Variants in SUGCT observed in about 807,000 individuals in gnomAD.
The protein encoded by SUGCT is succinyl-CoA:glutarate CoA-transferase.
SUGCT carries 41 observed loss-of-function variants against 55.0 expected under a neutral mutation model. The observed-to-expected ratio is 0.74, with a 90% CI of 0.58 to 0.97. SUGCT has a LOEUF of 0.97. SUGCT is among the 50% of genes least tolerant of loss of function. The pLI is 0.00. For synonymous variants in SUGCT, 187 were observed against 200.4 expected, an observed-to-expected ratio of 0.93 and a Z score of 0.56; for missense variants, 568 against 547.8, an observed-to-expected ratio of 1.04 and a Z score of -0.37.
chr7:40,420,702 G>A (rs1787260957), intron 9 of SUGCT, among the ~76,000 whole-genome samples: 2 of 152,000 alleles, frequency 1.3e-5, no homozygotes, highest in Non-Finnish European at 2.9e-5. Context: ...GGCTCTTTGT[G>A]CTGCTGTGGT....
intron 9 of SUGCT, among the ~76,000 whole-genome samples, chr7:40,385,659 A>G (rs1785083261): frequency 6.6e-6 from 1 of 152,230 alleles, no homozygotes; most frequent in Non-Finnish European, 1.5e-5. Context: ...AAGTATAAAG[A>G]TTAATTACAT....
intron 8 of SUGCT, among the ~76,000 whole-genome samples, chr7:40,275,088 A>C (rs1792375586): frequency 6.6e-6 from 1 of 152,234 alleles, no homozygotes; most frequent in Non-Finnish European, 1.5e-5. Flanking sequence ...GGCATGAGCC[A>C]CCACGAATGG....
intron 13 of SUGCT, among the ~76,000 whole-genome samples, chr7:40,855,995 C>T (rs1352490233): frequency 6.6e-6 from 1 of 152,178 alleles, no homozygotes; most frequent in Non-Finnish European, 1.5e-5. Context: ...GTTCTATATT[C>T]AGACATTCAA....
chr7:40,371,610 C>T (rs1374602524), intron 9 of SUGCT, among the ~76,000 whole-genome samples: 1 of 152,094 alleles, frequency 6.6e-6, no homozygotes, highest in Non-Finnish European at 1.5e-5. Flanking sequence ...AAATATTATA[C>T]ATTGTTTAAA....
Position 40,778,965 on chromosome 7 carries a change from T to C in SUGCT, c.1153+29468T>C, listed in dbSNP as rs79465884. 9.0e-3 allele frequency among the ~76,000 whole-genome samples: 1,377 copies of C among 152,286 alleles called. 17 individuals are homozygous for C. Among genetic ancestry groups the C allele is most frequent in the African/African-American group, 0.032 (1,318 of 41,544 alleles). ...ACCTCAGGAATGTTAGCATGGACAT[T>C]GACCACAACACCCCAGCCTTTTGTA... On this transcript the variant is annotated intron_variant, in intron 13 of 13. Transcript: ENST00000335693.
intron 9 of SUGCT, among the ~76,000 whole-genome samples, chr7:40,431,579 A>G (rs1003937630): frequency 1.3e-4 from 20 of 152,140 alleles, no homozygotes; most frequent in African/African-American, 4.6e-4. Flanking sequence ...AGCATAGGCT[A>G]TATTTTCTTT....
intron 12 of SUGCT, among the ~76,000 whole-genome samples, chr7:40,635,482 G>A (rs559886366): frequency 3.3e-5 from 5 of 152,054 alleles, no homozygotes; most frequent in Non-Finnish European, 7.4e-5. Context: ...CAGCTAAGAA[G>A]TTTCTAGAAC....
chr7:40,443,128 G>A (rs901491897), intron 9 of SUGCT, among the ~76,000 whole-genome samples: 4 of 152,190 alleles, frequency 2.6e-5, no homozygotes, highest in African/African-American at 9.7e-5. Flanking sequence ...ATCATTGATG[G>A]ACATTTGGGT....
chr7:40,233,965 A>C (rs1179187804), intron 6 of SUGCT, among the ~76,000 whole-genome samples: 1 of 152,152 alleles, frequency 6.6e-6, no homozygotes, highest in Non-Finnish European at 1.5e-5. Context: ...CCTATACTTT[A>C]CTGCTTCCAA....
At chr7:40,783,980 A>G (rs571941815) in intron 13 of SUGCT, among the ~76,000 whole-genome samples, 2 of 152,300 alleles carry the variant, frequency 1.3e-5, no homozygotes, top group East Asian at 3.9e-4. Context: ...ATCGTTTTAG[A>G]TTCTTCAGTG....
chr7:41,021,439 A>T, the SUGCT span, among the ~76,000 whole-genome samples: 1 of 152,222 alleles, frequency 6.6e-6, no homozygotes, highest in Non-Finnish European at 1.5e-5. Flanking sequence ...GTGAATCTGT[A>T]ATAGTTCAGT....
chr7:40,798,055 T>C (rs1790633425), intron 13 of SUGCT, among the ~76,000 whole-genome samples: 1 of 152,190 alleles, frequency 6.6e-6, no homozygotes, highest in Non-Finnish European at 1.5e-5. Flanking sequence ...AATCCCTCCT[T>C]TAGAATTCAA....
intron 12 of SUGCT, among the ~76,000 whole-genome samples, chr7:40,641,486 G>A (rs1800266627): frequency 6.6e-6 from 1 of 152,156 alleles, no homozygotes; most frequent in African/African-American, 2.4e-5. Flanking sequence ...CTTGGGTGCG[G>A]TGGGGTTGGA....
intron 8 of SUGCT, among the ~76,000 whole-genome samples, chr7:40,278,308 A>T (rs1792677743): frequency 6.6e-6 from 1 of 152,130 alleles, no homozygotes; most frequent in Non-Finnish European, 1.5e-5. Flanking sequence ...AGAAATAGGA[A>T]CACTTTTACA....
rs1010287428 is a variant in SUGCT at position 40,574,431 on chromosome 7, T to TTTG, written c.1089+78060_1089+78062dup. 6.6e-5 allele frequency among the ~76,000 whole-genome samples: 10 copies of TTTG among 151,866 alleles called. No individual in the cohort carries two copies. In the South Asian group the frequency reaches 1.9e-3, roughly 28 times the overall value. On this transcript the variant is annotated intron_variant, in intron 12 of 13. Transcript: ENST00000335693. The stretch of plus-strand genomic sequence containing the variant: ...GCCTGTTAGTTTTGTTGTTGTTTGT[T>TTTG]TTGTTGTTGTTGTTGTTTGAGCCAG...
intron 13 of SUGCT, among the ~76,000 whole-genome samples, chr7:40,812,229 G>A (rs1008701264): frequency 2.0e-5 from 3 of 152,004 alleles, no homozygotes; most frequent in South Asian, 4.2e-4. Flanking sequence ...TTGGTATCAG[G>A]GTGATGTTAG....
At chr7:40,784,269 C>G (rs1366477715) in intron 13 of SUGCT, among the ~76,000 whole-genome samples, 6 of 152,052 alleles carry the variant, frequency 3.9e-5, no homozygotes, top group Admixed American at 3.9e-4. Context: ...TAGTTCTGCT[C>G]CACTCATCAG....
intron 12 of SUGCT, chr7:40,499,025 C>G (rs546662316): frequency 2.9e-4 from 131 of 455,180 alleles, no homozygotes; most frequent in Non-Finnish European, 5.4e-4. Flanking sequence ...GGTATCCTCC[C>G]TTGTTTTGCC....
chr7:40,691,882 A>G (rs1161257476), intron 12 of SUGCT, among the ~76,000 whole-genome samples: 3 of 152,214 alleles, frequency 2.0e-5, no homozygotes, highest in African/African-American at 7.2e-5. Flanking sequence ...TTCAAGAGAC[A>G]CAAAAATTTG....
Sources: gnomAD v4.1 joint callset for allele counts (sites outside exome capture counted in the v4.1 genomes callset) on GRCh38, gnomAD v4.1.1 for gene constraint, MANE v1.5 for transcripts, NCBI Gene and HGNC (gene_info 2026-07-23, HGNC 2026-07-21) for gene names.